KDM4E: variants seen among roughly 807,000 people sequenced by gnomAD.
The protein encoded by KDM4E is lysine demethylase 4E.
For missense variants in KDM4E, 576 were observed against 642.6 expected (o/e 0.90, Z 1.12); for synonymous variants, 229 against 232.9 (o/e 0.98, Z 0.15).
Position 95,026,455 on chromosome 11 carries a change from T to C in KDM4E, c.898T>C (p.Tyr300His). The C allele has an allele frequency of 6.2e-7, 1 of 1,609,906 alleles. No individual in the cohort carries two copies. Among genetic ancestry groups the C allele is most frequent in the Non-Finnish European group, 8.5e-7 (1 of 1,179,884 alleles). The change falls in exon 1 of 1, where the codon TAT (tyrosine) becomes CAT (histidine). Residue 300 changes from tyrosine (Y) to histidine (H), a missense_variant. By Grantham distance (83) the Tyr-to-His change is moderately conservative. Transcript: ENST00000450979. ...TTTTGCCACTCCACGATGGATTGAT[T>C]ATGGCAAAATGGCCTCTCAGTGTAG... ...INFATPRWID[Y>H]GKMASQCSCG...
In KDM4E at chr11:95,026,267, C is replaced by T. The variant is rs529160852; in HGVS notation, c.710C>T (p.Ala237Val). The T allele has an allele frequency of 6.2e-7, 1 of 1,614,106 alleles. No homozygotes were observed. Among genetic ancestry groups the T allele is most frequent in the African/African-American group, 1.3e-5 (1 of 75,052 alleles). ...LFPDISRGCE[A>V]FLRHKVALIS... ...CCAGACATTTCTCGGGGCTGTGAGG[C>T]CTTCCTGCGGCACAAAGTGGCCCTC... The change falls in exon 1 of 1, where the codon GCC becomes GTC. Residue 237 changes from alanine to valine, a missense_variant. By Grantham distance (64) the Ala-to-Val change is moderately conservative. Transcript: ENST00000450979.
At position 95,027,361 on chromosome 11, in the gene KDM4E, C is replaced by T; in HGVS notation, c.*283C>T. ...ACATGGGCAAGGCTGTAGCAATGGACCACTTTTACGGCTCTAGGGTTCTGA... is the reference window on the plus strand; with the variant it reads ...ACATGGGCAAGGCTGTAGCAATGGATCACTTTTACGGCTCTAGGGTTCTGA... On this transcript the variant is annotated 3_prime_UTR_variant, in exon 1 of 1. Coordinates refer to ENST00000450979, the MANE Select transcript of KDM4E (RefSeq NM_001161630.1). 2 of 453,778 alleles carry T rather than the reference C, an allele frequency of 4.4e-6. No individual in the cohort carries two copies. The highest frequency in any genetic ancestry group is 7.9e-6 in the Non-Finnish European group (2 of 254,432). The allele number at this position is 453,778 out of a possible 1,614,324, so 28.1% of individuals were successfully genotyped here.
In KDM4E at chr11:95,026,998, A is replaced by T. The variant is rs2134130338; in HGVS notation, c.1441A>T (p.Met481Leu). The T allele has an allele frequency of 6.5e-7, 1 of 1,537,196 alleles. No individual in the cohort carries two copies. Among genetic ancestry groups the T allele is most frequent in the East Asian group, 2.4e-5 (1 of 40,902 alleles). The change falls in exon 1 of 1, where the codon ATG (methionine) becomes TTG (leucine). Residue 481 changes from methionine to leucine, a missense_variant. Transcript: ENST00000450979. ...VQPASKRRLL[M>L]GTRSRAQGHR... ...GCCTGCATCCAAGAGGCGCCTTTTA[A>T]TGGGTACAAGGAGTAGAGCTCAAGG...
In KDM4E at chr11:95,026,642, T is replaced by C. The variant is rs1367044300; in HGVS notation, c.1085T>C (p.Ile362Thr). 5.9e-6 allele frequency: 9 copies of C among 1,537,064 alleles called. No homozygotes were observed. Among genetic ancestry groups the C allele is most frequent in the African/African-American group, 4.1e-5 (3 of 73,002 alleles). Residue 362 changes from isoleucine (I) to threonine (T), a missense_variant, in exon 1 of 1, where the codon ATA (isoleucine) becomes ACA (threonine). Physicochemically the swap from Ile to Thr is moderately conservative, Grantham distance 89. Transcript: ENST00000450979. ...GAGCTGAGCAACTGGAGAGATGATA[T>C]AGTACTTAGAAGAGCTGCTCTGGGC... ...SQELSNWRDD[I>T]VLRRAALGLR...
chr11:95,026,339 T>G lies in KDM4E; in HGVS notation c.782T>G (p.Met261Arg). The change falls in exon 1 of 1, where the codon ATG (methionine) becomes AGG (arginine). Residue 261 changes from methionine (M) to arginine (R), a missense_variant. By Grantham distance (91) the Met-to-Arg change is moderately conservative (BLOSUM62 -1). Coordinates refer to ENST00000450979, the MANE Select transcript of KDM4E (RefSeq NM_001161630.1). ...LKENGIPFNC[M>R]TQEAGEFMVT... The stretch of plus-strand genomic sequence containing the variant: ...GAAAATGGGATTCCCTTCAATTGCA[T>G]GACTCAGGAGGCTGGGGAGTTCATG... 1 of 1,614,124 alleles carries G rather than the reference T, an allele frequency of 6.2e-7. No individual in the cohort carries two copies. The highest frequency in any genetic ancestry group is 8.5e-7 in the Non-Finnish European group (1 of 1,180,010).
rs61746317 is a variant in KDM4E, at chr11:95,025,857, C to T, written c.300C>T (p.Arg100=). Residue 100 remains arginine (R), a synonymous_variant, in exon 1 of 1, where the codon CGC becomes CGT. Transcript: ENST00000450979. ...CCATGAGGGTGGGGCAGTATCGCCG[C>T]TTGGCAAACAGTAAAAAATATCAGA... is the stretch of plus-strand genomic sequence containing the variant. ...KKAMRVGQYR[R]LANSKKYQTP... The T allele has an allele frequency of 1.7e-4, 266 of 1,595,864 alleles. 1 individual carries two copies. The African/African-American group carries it at 3.4e-3, about 20-fold the overall frequency.
rs1002177445 is a variant in KDM4E, at chr11:95,027,398, T to C, written c.*320T>C. On this transcript the variant is annotated 3_prime_UTR_variant, in exon 1 of 1. Transcript: ENST00000450979. ...CTCTAGGGTTCTGACTCCAACTAAGTTTTCCAGAATCTCCTGGGCTCCTGA... is the reference window on the plus strand; with the variant it reads ...CTCTAGGGTTCTGACTCCAACTAAGCTTTCCAGAATCTCCTGGGCTCCTGA... The C allele has an allele frequency of 9.0e-6, 3 of 333,016 alleles. No individual in the cohort carries two copies. Among genetic ancestry groups the C allele is most frequent in the African/African-American group, 6.2e-5 (3 of 48,208 alleles). 20.6% of individuals were successfully genotyped at this position (333,016 alleles called of 1,614,324 possible). A position where few individuals can be genotyped will look rare whatever the true frequency, so the allele number is the denominator to read the frequency against.
rs1166394961 is a variant in KDM4E at position 95,025,393 on chromosome 11, G to A, written c.-165G>A. 2 of 977,294 alleles carry A rather than the reference G, an allele frequency of 2.0e-6. No homozygotes were observed. Among genetic ancestry groups the A allele is most frequent in the Non-Finnish European group, 2.8e-6 (2 of 712,544 alleles). The allele number at this position is 977,294 out of a possible 1,614,324, so 60.5% of individuals were successfully genotyped here. The stretch of plus-strand genomic sequence containing the variant: ...GTCCCCCTGGGGAGTCAGAAAGCCT[G>A]TGAAAGATCTCACTTGTTCAAAAGT... On this transcript the variant is annotated 5_prime_UTR_variant, in exon 1 of 1. The change creates a new upstream start codon in the 5' untranslated region. Coordinates refer to ENST00000450979, the MANE Select transcript of KDM4E (RefSeq NM_001161630.1).
At position 95,025,963 on chromosome 11, in the gene KDM4E, G is replaced by A; in HGVS notation, c.406G>A (p.Asp136Asn). The change falls in exon 1 of 1, where the codon GAT becomes AAT. Residue 136 changes from aspartate (D) to asparagine (N), a missense_variant. By Grantham distance (23) the Asp-to-Asn change is conservative (BLOSUM62 1). Coordinates refer to ENST00000450979, the MANE Select transcript of KDM4E (RefSeq NM_001161630.1). ...HPGNPPIYGA[D>N]ISGSLFEEST... ...CGGTAATCCACCAATTTATGGTGCT[G>A]ATATCAGCGGCTCCTTATTTGAAGA... The A allele has an allele frequency of 6.3e-7, 1 of 1,582,812 alleles. No individual in the cohort carries two copies. The highest frequency in any genetic ancestry group is 8.6e-7 in the Non-Finnish European group (1 of 1,167,618).
At position 95,025,507 on chromosome 11, in the gene KDM4E, A is replaced by C; in HGVS notation, c.-51A>C. 6.7e-7 allele frequency: 1 copy of C among 1,489,082 alleles called. No individual in the cohort carries two copies. The highest frequency in any genetic ancestry group is 2.5e-5 in the East Asian group (1 of 40,538). 92.2% of individuals were successfully genotyped at this position (1,489,082 alleles called of 1,614,324 possible). ...AAATTACTCCCCAGAACTCTCAGGC[A>C]TCTAGAGGACACCCAAGAACGTGGG... is the stretch of plus-strand genomic sequence containing the variant. On this transcript the variant is annotated 5_prime_UTR_variant, in exon 1 of 1. Coordinates refer to ENST00000450979, the MANE Select transcript of KDM4E (RefSeq NM_001161630.1).
chr11:95,027,114 T>C lies in KDM4E; in HGVS notation c.*36T>C. On this transcript the variant is annotated 3_prime_UTR_variant, in exon 1 of 1. Transcript: ENST00000450979. ...TCAGCATCTTGCCAAGGCTTCTGGC[T>C]GCTGCTGTGTCCCTGATCTTCAACT... 1 of 1,528,556 alleles carries C rather than the reference T, an allele frequency of 6.5e-7. No homozygotes were observed. The highest frequency in any genetic ancestry group is 8.8e-7 in the Non-Finnish European group (1 of 1,141,904). 94.7% of individuals were successfully genotyped at this position (1,528,556 alleles called of 1,614,324 possible). A position where few individuals can be genotyped will look rare whatever the true frequency, so the allele number is the denominator to read the frequency against.
rs782631439 is a variant in KDM4E, at chr11:95,026,304, A to C, written c.747A>C (p.Thr249=). 3.1e-6 allele frequency: 5 copies of C among 1,613,922 alleles called. 1 individual carries two copies. The South Asian group carries it at 5.5e-5, about 18-fold the overall frequency. ...ACAAAGTGGCCCTCATCTCGCCTAC[A>C]GTTCTCAAGGAAAATGGGATTCCCT... ...LRHKVALISP[T]VLKENGIPFN... Residue 249 remains threonine, a synonymous_variant, in exon 1 of 1, where the codon ACA becomes ACC. Transcript: ENST00000450979.
In KDM4E at chr11:95,027,146, G is replaced by T. The variant is rs1226931439; in HGVS notation, c.*68G>T. ...GTGTCCCTGATCTTCAACTCCTGGG[G>T]CCCCCACTGGATCGTGATGAAACCA... On this transcript the variant is annotated 3_prime_UTR_variant, in exon 1 of 1. Transcript: ENST00000450979. 4.7e-6 allele frequency: 7 copies of T among 1,501,334 alleles called. No homozygotes were observed. In the East Asian group the frequency reaches 1.5e-4, roughly 32 times the overall value. 93.0% of individuals were successfully genotyped at this position (1,501,334 alleles called of 1,614,324 possible).
rs782655660 is a variant in KDM4E, at chr11:95,026,469, C to G, written c.912C>G (p.Ala304=). 1 of 1,607,584 alleles carries G rather than the reference C, an allele frequency of 6.2e-7. No homozygotes were observed. The highest frequency in any genetic ancestry group is 1.1e-5 in the South Asian group (1 of 90,846). Reference sequence around the variant, plus strand: ...GATGGATTGATTATGGCAAAATGGCCTCTCAGTGTAGCTGTGGGGAGTCGA... The same window carrying G: ...GATGGATTGATTATGGCAAAATGGCGTCTCAGTGTAGCTGTGGGGAGTCGA... ...TPRWIDYGKM[A]SQCSCGESTV... Residue 304 remains alanine (A), a synonymous_variant, in exon 1 of 1, where the codon GCC becomes GCG. Coordinates refer to ENST00000450979, the MANE Select transcript of KDM4E (RefSeq NM_001161630.1).
Position 95,027,229 on chromosome 11 carries a change from T to C in KDM4E, c.*151T>C, listed in dbSNP as rs1292744113. 5.5e-6 allele frequency: 6 copies of C among 1,083,632 alleles called. No individual in the cohort carries two copies. The highest frequency in any genetic ancestry group is 3.0e-4 in the Middle Eastern group (1 of 3,288). 67.1% of individuals were successfully genotyped at this position (1,083,632 alleles called of 1,614,324 possible). ...AGCACTACTAGTAATCTCCCTGATG[T>C]TGTCTGCATGACTCCTCCCAATGTC... On this transcript the variant is annotated 3_prime_UTR_variant, in exon 1 of 1. Coordinates refer to ENST00000450979, the MANE Select transcript of KDM4E (RefSeq NM_001161630.1).
Position 95,026,117 on chromosome 11 carries a change from C to T in KDM4E, c.560C>T (p.Ala187Val), listed in dbSNP as rs782424795. 2.5e-6 allele frequency: 4 copies of T among 1,613,984 alleles called. No individual in the cohort carries two copies. The African/African-American group carries it at 4.0e-5, about 16-fold the overall frequency. Residue 187 changes from alanine (A) to valine (V), a missense_variant, in exon 1 of 1, where the codon GCC becomes GTC. By Grantham distance (64) the Ala-to-Val change is moderately conservative. Transcript: ENST00000450979. Reference protein sequence around the residue: ...LYFGMWKTTFAWHTEDMDLYS... With the variant: ...LYFGMWKTTFVWHTEDMDLYS... ...TTTGGCATGTGGAAGACCACGTTTG[C>T]CTGGCACACAGAGGACATGGACCTT...
Position 95,026,954 on chromosome 11 carries a change from C to T in KDM4E, c.1397C>T (p.Thr466Ile). 6.5e-7 allele frequency: 1 copy of T among 1,537,180 alleles called. No individual in the cohort carries two copies. The highest frequency in any genetic ancestry group is 1.4e-5 in the African/African-American group (1 of 73,136). Reference sequence around the variant, plus strand: ...GGTTGTTGTACTCGAGAACTGGGGACTGAGGAGCCAACTGTTCAGCCTGCA... The same window carrying T: ...GGTTGTTGTACTCGAGAACTGGGGATTGAGGAGCCAACTGTTCAGCCTGCA... ...GHGCCTRELGTEEPTVQPASK... is the reference protein window; with the variant it reads ...GHGCCTRELGIEEPTVQPASK... The change falls in exon 1 of 1, where the codon ACT (threonine) becomes ATT (isoleucine). Residue 466 changes from threonine to isoleucine, a missense_variant. Coordinates refer to ENST00000450979, the MANE Select transcript of KDM4E (RefSeq NM_001161630.1).
rs78184421 is a variant in KDM4E, at chr11:95,027,497, C to T, written c.*419C>T. On this transcript the variant is annotated 3_prime_UTR_variant, in exon 1 of 1. Coordinates refer to ENST00000450979, the MANE Select transcript of KDM4E (RefSeq NM_001161630.1). ...ATACATGATCAATCCTCTGGATCCACGGCTATGGAATATGGTGACAAATGT... is the reference window on the plus strand; with the variant it reads ...ATACATGATCAATCCTCTGGATCCATGGCTATGGAATATGGTGACAAATGT... 2,712 of 178,984 alleles carry T rather than the reference C, an allele frequency of 0.015. 76 individuals carry two copies. The highest frequency in any genetic ancestry group is 0.06 in the African/African-American group (2,521 of 42,342). The allele number at this position is 178,984 out of a possible 1,614,324, so 11.1% of individuals were successfully genotyped here.
chr11:95,027,541 A>C lies in KDM4E; in HGVS notation c.*463A>C, dbSNP rs1555103161. On this transcript the variant is annotated 3_prime_UTR_variant, in exon 1 of 1. Transcript: ENST00000450979. The stretch of plus-strand genomic sequence containing the variant: ...CAAATGTCAGTGTCTCTCTTATTCC[A>C]ACCCCAGGATCAGAGAAGATTCTTT... 6.1e-6 allele frequency: 1 copy of C among 163,502 alleles called. No individual in the cohort carries two copies. Among genetic ancestry groups the C allele is most frequent in the African/African-American group, 2.4e-5 (1 of 41,602 alleles). 10.1% of individuals were successfully genotyped at this position (163,502 alleles called of 1,614,324 possible).
Sources: gnomAD v4.1 joint callset for allele counts on GRCh38, gnomAD v4.1.1 for gene constraint, MANE v1.5 for transcripts, NCBI Gene and HGNC (gene_info 2026-07-23, HGNC 2026-07-21) for gene names.